Variants in CLNK observed in about 807,000 individuals in gnomAD.
CLNK encodes cytokine dependent hematopoietic cell linker.
CLNK carries 74 observed loss-of-function variants against 68.6 expected under a neutral mutation model. That is an observed-to-expected ratio of 1.08 (90% CI 0.89 to 1.31). The LOEUF is 1.31. Among genes scored for constraint, CLNK ranks in the 50% most tolerant of loss-of-function variants. The pLI is 0.00. For synonymous variants in CLNK, 198 were observed against 172.2 expected, an observed-to-expected ratio of 1.15 and a Z score of -1.17; for missense variants, 553 against 515.3, an observed-to-expected ratio of 1.07 and a Z score of -0.71.
chr4:10,504,960 G>T (rs1197054878), intron 17 of CLNK, among the ~76,000 whole-genome samples: 1 of 152,164 alleles, frequency 6.6e-6, no homozygotes, highest in Non-Finnish European at 1.5e-5. Flanking sequence ...GAGAGGAAGG[G>T]AATATTTGCT....
chr4:10,616,790 G>GTGTATA (rs1369047138), intron 2 of CLNK, among the ~76,000 whole-genome samples: 10 of 64,350 alleles, frequency 1.6e-4, no homozygotes, highest in African/African-American at 4.2e-4. Context: ...GTGTGTGTGT[G>GTGTATA]TATATATATA....
intron 8 of CLNK, among the ~76,000 whole-genome samples, chr4:10,555,388 C>T (rs1481024621): frequency 6.6e-6 from 1 of 152,126 alleles, no homozygotes; most frequent in South Asian, 2.1e-4. Context: ...AAATAAACCA[C>T]GCTGTATTTG....
intron 12 of CLNK, among the ~76,000 whole-genome samples, chr4:10,531,006 T>A (rs192978009): frequency 3.3e-4 from 51 of 152,336 alleles, no homozygotes; most frequent in Non-Finnish European, 5.9e-4. Context: ...GTAATAAATG[T>A]CTCGTTTGAG....
At chr4:10,569,474 T>C (rs1423108780) in intron 5 of CLNK, among the ~76,000 whole-genome samples, 1 of 152,184 alleles carries the variant, frequency 6.6e-6, no homozygotes, top group Non-Finnish European at 1.5e-5. Flanking sequence ...CCAACCCTAC[T>C]GGCACTTTGG....
the CLNK span, among the ~76,000 whole-genome samples, chr4:10,706,279 G>C: frequency 6.6e-6 from 1 of 152,226 alleles, no homozygotes; most frequent in South Asian, 2.1e-4. Flanking sequence ...TAAACCTCCC[G>C]TGTCCTTCCA....
intron 4 of CLNK, among the ~76,000 whole-genome samples, chr4:10,580,132 A>G (rs971051238): frequency 3.9e-5 from 6 of 152,184 alleles, no homozygotes; most frequent in African/African-American, 1.4e-4. Context: ...CACAAGACTA[A>G]GGACCCTGGT....
At chr4:10,619,841 A>C (rs537702801) in intron 2 of CLNK, among the ~76,000 whole-genome samples, 90 of 152,278 alleles carry the variant, frequency 5.9e-4, no homozygotes, top group African/African-American at 2.0e-3. Flanking sequence ...GAGGCTAAGG[A>C]GGGTAAAAAC....
At chr4:10,622,130 G>A (rs1178776960) in intron 2 of CLNK, among the ~76,000 whole-genome samples, 2 of 152,160 alleles carry the variant, frequency 1.3e-5, no homozygotes, top group Non-Finnish European at 2.9e-5. Context: ...ATTTCAAGGA[G>A]TAGAAAATAC....
intron 17 of CLNK, among the ~76,000 whole-genome samples, chr4:10,504,071 G>A (rs1278734345): frequency 1.3e-5 from 2 of 150,168 alleles, no homozygotes; most frequent in Admixed American, 6.7e-5. Flanking sequence ...GTGAGCCATC[G>A]CGCCCGGCTC....
In CLNK at chr4:10,598,041, C is replaced by T; in HGVS notation, c.20G>A (p.Arg7Lys). 1 of 1,582,634 alleles carries T rather than the reference C, an allele frequency of 6.3e-7. No individual in the cohort carries two copies. The highest frequency in any genetic ancestry group is 8.6e-7 in the Non-Finnish European group (1 of 1,161,876). The change falls in exon 3 of 19, where the codon AGA (arginine) becomes AAA (lysine). Residue 7 changes from arginine to lysine, a missense_variant. Coordinates refer to ENST00000226951, the MANE Select transcript of CLNK (RefSeq NM_052964.4). ...GTTGGATCCTTCTTTAGTTGTCTTT[C>T]TATTGCCCCTGGGATGAAAGAAAAT... MNRQGN[R>K]KTTKEGSNDL...
intron 1 of CLNK, among the ~76,000 whole-genome samples, chr4:10,674,408 A>C (rs1724789721): frequency 6.6e-6 from 1 of 152,224 alleles, no homozygotes; most frequent in Non-Finnish European, 1.5e-5. Flanking sequence ...AAATTGCCTG[A>C]GTGTATACCA....
the CLNK span, among the ~76,000 whole-genome samples, chr4:10,694,143 C>A: frequency 6.6e-6 from 1 of 151,780 alleles, no homozygotes; most frequent in African/African-American, 2.4e-5. Context: ...ATTGCCACGT[C>A]AGTCTTTTCA....
intron 2 of CLNK, among the ~76,000 whole-genome samples, chr4:10,624,199 G>A (rs1164035378): frequency 3.9e-5 from 6 of 152,186 alleles, no homozygotes; most frequent in African/African-American, 2.4e-5. Context: ...GTGCTTTGCT[G>A]AACCCTCACC....
chr4:10,723,802 C>G, the CLNK span, among the ~76,000 whole-genome samples: 5 of 151,324 alleles, frequency 3.3e-5, no homozygotes, highest in African/African-American at 1.2e-4. Context: ...TTTCTTGTGT[C>G]TCTTCCAGTT....
intron 3 of CLNK, among the ~76,000 whole-genome samples, chr4:10,597,511 T>G (rs879652321): frequency 3.3e-5 from 5 of 152,184 alleles, no homozygotes; most frequent in Admixed American, 1.3e-4. Context: ...TCTATGCAAG[T>G]TTTGATACCA....
At chr4:10,503,602 TATAG>T in intron 17 of CLNK, among the ~76,000 whole-genome samples, 1 of 148,482 alleles carries the variant, frequency 6.7e-6, no homozygotes, top group South Asian at 2.1e-4. Flanking sequence ...TATTTATAAA[TATAG>T]ATATATAATA....
At chr4:10,585,676 G>A (rs1037973037) in intron 3 of CLNK, among the ~76,000 whole-genome samples, 1 of 152,150 alleles carries the variant, frequency 6.6e-6, no homozygotes, top group Non-Finnish European at 1.5e-5. Flanking sequence ...AAAGAGCCCA[G>A]CATGGTGGCA....
chr4:10,698,547 T>G, the CLNK span, among the ~76,000 whole-genome samples: 1 of 152,262 alleles, frequency 6.6e-6, no homozygotes, highest in Non-Finnish European at 1.5e-5. Context: ...CTCTGCTTTT[T>G]CCTTTCATGC....
intron 14 of CLNK, among the ~76,000 whole-genome samples, chr4:10,524,183 C>T (rs1023692605): frequency 1.3e-5 from 2 of 151,874 alleles, no homozygotes; most frequent in Non-Finnish European, 2.9e-5. Context: ...ACCAGACAGT[C>T]CCCAAAGCAC....
Sources: allele counts gnomAD v4.1 joint callset (sites outside exome capture counted in the v4.1 genomes callset), GRCh38; gene constraint gnomAD v4.1.1; transcripts MANE v1.5; gene names NCBI Gene and HGNC (gene_info 2026-07-23, HGNC 2026-07-21).